Variants in ZNF678 observed in about 807,000 individuals in gnomAD.
ZNF678 encodes the protein zinc finger protein 678, also known as hypothetical protein MGC42493.
Under a neutral mutation model 3.0 loss-of-function variants are expected in ZNF678, and 5 were observed. The observed-to-expected ratio is 1.69, with a 90% CI of 0.88 to 3.56. The LOEUF (loss-of-function observed/expected upper bound fraction) is 3.56. Among genes scored for constraint, ZNF678 ranks in the 30% most tolerant of loss-of-function variants. ZNF678 has a pLI of 0.00. For synonymous variants in ZNF678, 218 were observed against 199.6 expected (o/e 1.09, Z -0.78); for missense variants, 593 against 605.0 (o/e 0.98, Z 0.21).
chr1:227,568,668 T>C (rs1191921761), intron 1 of ZNF678, among the ~76,000 whole-genome samples: 2 of 152,302 alleles, frequency 1.3e-5, no homozygotes, highest in South Asian at 2.1e-4. Context: ...TGAACTTGAG[T>C]ATGCGGTTAT....
At chr1:227,632,587 C>T (rs1400913483) in intron 1 of ZNF678, among the ~76,000 whole-genome samples, 6 of 152,056 alleles carry the variant, frequency 3.9e-5, no homozygotes, top group Middle Eastern at 3.2e-3. Context: ...GGGAGATCAA[C>T]GCTCCCAACC....
Position 227,654,990 on chromosome 1 carries a change from A to G in ZNF678, c.740A>G (p.Asn247Ser). ...TGCAAAGAATGTTGCAAAGCCTTTA[A>G]CAAGTTCTCAAACCTTACTCAACAT... ...YKCKECCKAF[N>S]KFSNLTQHKR... is the part of the protein sequence containing the mutation. Residue 247 changes from asparagine (N) to serine (S), a missense_variant, in exon 4 of 4, where the codon AAC (asparagine) becomes AGC (serine). Asn to Ser is a conservative substitution (Grantham distance 46). Transcript: ENST00000343776. The G allele has an allele frequency of 2.5e-6, 4 of 1,611,774 alleles. No individual in the cohort carries two copies. The South Asian group carries it at 3.3e-5, about 13-fold the overall frequency.
chr1:227,571,482 A>G (rs1247470649), intron 1 of ZNF678, among the ~76,000 whole-genome samples: 1 of 152,188 alleles, frequency 6.6e-6, no homozygotes, highest in African/African-American at 2.4e-5. Context: ...TTGGATGACA[A>G]TGTGCAGCTT....
At chr1:227,588,794 T>G (rs767767361) in intron 1 of ZNF678, among the ~76,000 whole-genome samples, 2 of 152,074 alleles carry the variant, frequency 1.3e-5, no homozygotes, top group Non-Finnish European at 2.9e-5. Context: ...TGTAAGCCAC[T>G]GCCCCCAGAC....
chr1:227,593,071 C>A (rs1006107385), intron 1 of ZNF678, among the ~76,000 whole-genome samples: 3 of 152,236 alleles, frequency 2.0e-5, no homozygotes, highest in Non-Finnish European at 2.9e-5. Context: ...TGGGGGCTGA[C>A]CCGCAGGGTG....
intron 1 of ZNF678, among the ~76,000 whole-genome samples, chr1:227,635,621 C>T (rs147653915): frequency 6.8e-4 from 102 of 150,728 alleles, no homozygotes; most frequent in African/African-American, 2.4e-3. Context: ...CCTAAAATGG[C>T]GTCAGCACCA....
chr1:227,598,591 T>A, intron 1 of ZNF678: 1 of 652,736 alleles, frequency 1.5e-6, no homozygotes, highest in Non-Finnish European at 2.6e-6. Flanking sequence ...GACAAGGACT[T>A]GGATGATAAA....
At chr1:227,672,263 T>C (rs1659612726) in intron 5 of ZNF678, among the ~76,000 whole-genome samples, 1 of 151,930 alleles carries the variant, frequency 6.6e-6, no homozygotes, top group Non-Finnish European at 1.5e-5. Flanking sequence ...CATATGAGAT[T>C]AGGGAACAGT....
intron 2 of ZNF678, 108 bp downstream of exon 2, chr1:227,646,778 G>A (rs922477239): frequency 1.4e-4 from 143 of 1,021,500 alleles, no homozygotes; most frequent in Non-Finnish European, 1.9e-4. Context: ...ATGAGTTTTT[G>A]ATCTCTGCTT....
intron 1 of ZNF678, among the ~76,000 whole-genome samples, chr1:227,625,360 C>G: frequency 6.6e-6 from 1 of 152,114 alleles, no homozygotes; most frequent in Non-Finnish European, 1.5e-5. Flanking sequence ...GAATTGGGGC[C>G]TGGTAGGGGT....
chr1:227,648,881 A>G (rs1335192351), intron 2 of ZNF678, among the ~76,000 whole-genome samples: 1 of 152,116 alleles, frequency 6.6e-6, no homozygotes, highest in African/African-American at 2.4e-5. Flanking sequence ...ATTAACTTCT[A>G]GGTCCTGCCA....
chr1:227,564,233 A>G lies in ZNF678; in HGVS notation c.-164+509A>G, dbSNP rs181765339. ...GGAAGCAAGCCAAATTTAATAATTG[A>G]CGACAGTTACAGTCACCTTATTTGG... On this transcript the variant is annotated intron_variant, in intron 1 of 3. Coordinates refer to ENST00000343776, the MANE Select transcript of ZNF678 (RefSeq NM_001367909.1). Among the ~76,000 whole-genome samples, 67 of 152,332 alleles carry G rather than the reference A, an allele frequency of 4.4e-4. 1 individual carries two copies. The highest frequency in any genetic ancestry group is 4.4e-3 in the Admixed American group (67 of 15,314).
chr1:227,608,613 C>T (rs1233962553), intron 1 of ZNF678, among the ~76,000 whole-genome samples: 2 of 152,074 alleles, frequency 1.3e-5, no homozygotes, highest in East Asian at 3.8e-4. Flanking sequence ...TCTCATGAGG[C>T]TCTATTGTCA....
At chr1:227,590,906 C>G (rs1195386195) in intron 1 of ZNF678, among the ~76,000 whole-genome samples, 2 of 151,624 alleles carry the variant, frequency 1.3e-5, no homozygotes, top group Non-Finnish European at 2.9e-5. Context: ...ATTGCCTAAT[C>G]ATTGAGGCTT....
intron 1 of ZNF678, among the ~76,000 whole-genome samples, chr1:227,582,175 GCACA>G (rs35625890): frequency 6.0e-5 from 9 of 150,650 alleles, no homozygotes; most frequent in South Asian, 2.1e-4. Flanking sequence ...ATATACACAC[GCACA>G]CACACACACA....
chr1:227,574,323 C>G (rs1387122596), intron 1 of ZNF678, among the ~76,000 whole-genome samples: 5 of 152,270 alleles, frequency 3.3e-5, no homozygotes, highest in Middle Eastern at 3.4e-3. Flanking sequence ...TGCAACCGTG[C>G]CAGCATTTGT....
At chr1:227,569,022 G>A (rs1656768478) in intron 1 of ZNF678, among the ~76,000 whole-genome samples, 1 of 152,188 alleles carries the variant, frequency 6.6e-6, no homozygotes, top group African/African-American at 2.4e-5. Context: ...AAGATGAGAG[G>A]GGACTGAGGA....
At chr1:227,664,718 G>T (rs1277735124), downstream of ZNF678, among the ~76,000 whole-genome samples, 1 of 152,090 alleles carries the variant, frequency 6.6e-6, no homozygotes, top group Non-Finnish European at 1.5e-5. Flanking sequence ...GAATGTAGGT[G>T]CCTGGTTACC....
At chr1:227,566,969 T>A (rs555997972) in intron 1 of ZNF678, among the ~76,000 whole-genome samples, 10 of 152,332 alleles carry the variant, frequency 6.6e-5, no homozygotes, top group Admixed American at 2.6e-4. Flanking sequence ...AAACTCACTT[T>A]CACAAGACAG....
Sources: gnomAD v4.1 joint callset for allele counts (sites outside exome capture counted in the v4.1 genomes callset) on GRCh38, gnomAD v4.1.1 for gene constraint, MANE v1.5 for transcripts, NCBI Gene and HGNC (gene_info 2026-07-23, HGNC 2026-07-21) for gene names.